Variants in RADIL observed in about 807,000 individuals in gnomAD.
RADIL encodes Rap associating with DIL domain.
A neutral mutation model predicts 97.6 loss-of-function variants in RADIL; 99 were observed. The ratio of observed to expected loss-of-function variants is 1.01; its 90% CI spans 0.86 to 1.20. The LOEUF is 1.20. Ranked by LOEUF, RADIL falls within the 50% of genes most tolerant of loss-of-function variation. RADIL has a pLI of 0.00. For synonymous variants in RADIL, 803 were observed against 691.8 expected (o/e 1.16, Z -2.52); for missense variants, 1,765 against 1,498.9 (o/e 1.18, Z -2.93).
At chr7:4,860,514 C>T (rs778650750) in intron 2 of RADIL, 91 of 1,614,054 alleles carry the variant, frequency 5.6e-5, no homozygotes, top group Non-Finnish European at 6.8e-5. Flanking sequence ...GTACGAAATT[C>T]TTCCATATCA....
Position 4,799,649 on chromosome 7 carries a change from G to A in RADIL, c.3103C>T (p.Leu1035=), listed in dbSNP as rs1050509252. 3 of 1,602,372 alleles carry A rather than the reference G, an allele frequency of 1.9e-6. No individual in the cohort carries two copies. Among genetic ancestry groups the A allele is most frequent in the Admixed American group, 1.7e-5 (1 of 58,134 alleles). The part of the protein sequence containing the change: ...RILEVNGSSL[L]GLGYLRAVDL... The stretch of plus-strand genomic sequence containing the variant: ...GGGTACCTCAGGTAGCCAAGGCCCA[G>A]GAGGCTGCTGCCATTCACCTCCAGG... Residue 1035 remains leucine, a synonymous_variant, in exon 14 of 15, where the codon CTG becomes TTG. Transcript: ENST00000399583.
At chr7:4,838,516 A>G (rs1027646681) in intron 2 of RADIL, among the ~76,000 whole-genome samples, 1 of 152,096 alleles carries the variant, frequency 6.6e-6, no homozygotes, top group African/African-American at 2.4e-5. Flanking sequence ...CTGCAGCCCC[A>G]GGCAAGTGGC....
Position 4,806,166 on chromosome 7 carries a change from T to C in RADIL, c.2140-450A>G, listed in dbSNP as rs1782301604. On this transcript the variant is annotated intron_variant, in intron 9 of 14. Transcript: ENST00000399583. ...AAACATTTGTTTGTTTGCTTGTTTT[T>C]TGAGACAGAGTCTCATGCTGTCACG... is the stretch of plus-strand genomic sequence containing the variant. 1.1e-5 allele frequency: 8 copies of C among 735,308 alleles called. No homozygotes were observed. In the South Asian group the frequency reaches 3.7e-4, roughly 34 times the overall value. 45.5% of individuals were successfully genotyped at this position (735,308 alleles called of 1,614,324 possible). A position where few individuals can be genotyped will look rare whatever the true frequency, so the allele number is the denominator to read the frequency against.
chr7:4,803,802 C>T (rs1373029687), intron 10 of RADIL, 48 bp from the exon 11 acceptor site: 1 of 1,501,966 alleles, frequency 6.7e-7, no homozygotes, highest in South Asian at 1.2e-5. Context: ...GAAGCTGCCT[C>T]CCTCGCCAGG....
chr7:4,853,998 G>C (rs941925211), intron 2 of RADIL, among the ~76,000 whole-genome samples: 1 of 152,172 alleles, frequency 6.6e-6, no homozygotes, highest in Non-Finnish European at 1.5e-5. Context: ...GAAAGATGAG[G>C]GGATGCCGCT....
At chr7:4,826,112 G>A (rs575228946) in intron 5 of RADIL, among the ~76,000 whole-genome samples, 36 of 152,064 alleles carry the variant, frequency 2.4e-4, no homozygotes, top group Middle Eastern at 6.8e-3. Context: ...GGAGGCTGAG[G>A]CAGGGGGATC....
chr7:4,867,406 A>G lies in RADIL; in HGVS notation c.535+10199T>C, dbSNP rs866698123. 4.6e-5 allele frequency among the ~76,000 whole-genome samples: 7 copies of G among 152,342 alleles called. No homozygotes were observed. The South Asian group carries it at 1.5e-3, about 32-fold the overall frequency. On this transcript the variant is annotated intron_variant, in intron 2 of 14. Transcript: ENST00000399583. The surrounding 1 kb of genome is among the most constrained non-coding windows in gnomAD (Gnocchi z 4.1). ...AGTGTCTGTGCTTAAGGAAATGAAT[A>G]TGTAGTATAGGCATATAATGGAAAA...
In RADIL at chr7:4,823,502, C is replaced by G. The variant is rs566042783; in HGVS notation, c.1455-948G>C. Among the ~76,000 whole-genome samples the G allele has an allele frequency of 8.5e-5, 13 of 152,208 alleles. No homozygotes were observed. The South Asian group carries it at 2.3e-3, about 27-fold the overall frequency. On this transcript the variant is annotated intron_variant, in intron 5 of 14. Coordinates refer to ENST00000399583, the MANE Select transcript of RADIL (RefSeq NM_018059.5). ...TGTATCCATGGGGTTCATTGTTACT[C>G]TGAGTAACAAAAGCAGAAGTAGCTC...
At chr7:4,868,584 G>C (rs117427609) in intron 2 of RADIL, among the ~76,000 whole-genome samples, 1 of 152,182 alleles carries the variant, frequency 6.6e-6, no homozygotes, top group Non-Finnish European at 1.5e-5. Flanking sequence ...CCTTCCTCCA[G>C]CTGCAAACTT....
chr7:4,802,042 G>A, intron 11 of RADIL, 47 bp from the exon 12 acceptor site: 1 of 1,420,338 alleles, frequency 7.0e-7, no homozygotes, highest in Non-Finnish European at 9.3e-7. Flanking sequence ...TGGCCAGGTG[G>A]ACACAGCACT....
At position 4,822,822 on chromosome 7, in the gene RADIL, T is replaced by G. The variant is rs1335894024; in HGVS notation, c.1455-268A>C. Among the ~76,000 whole-genome samples the G allele has an allele frequency of 6.6e-6, 1 of 152,162 alleles. No individual in the cohort carries two copies. Among genetic ancestry groups the G allele is most frequent in the Non-Finnish European group, 1.5e-5 (1 of 68,026 alleles). On this transcript the variant is annotated intron_variant, in intron 5 of 14. Coordinates refer to ENST00000399583, the MANE Select transcript of RADIL (RefSeq NM_018059.5). This position sits in a 1 kb window ranked among gnomAD's most constrained non-coding sequence, Gnocchi z 5.3. ...TTGGTAAAAAACCTCGGTAAGTAGA[T>G]GGCTTGCATGTCTTCTCTTTTGGAA...
chr7:4,803,455 C>G, intron 11 of RADIL, 91 bp downstream of exon 11: 1 of 1,152,088 alleles, frequency 8.7e-7, no homozygotes, highest in South Asian at 1.6e-5. Context: ...GGCTGGGTGG[C>G]CCCCTCCCCG....
rs986697080 is a variant in RADIL, at chr7:4,837,803, G to A, written c.536-1198C>T. ...AATGCATGCTCTGGGAAAGCCAGCC[G>A]GCTGCGATAGATGAAAACCGCTCAC... is the stretch of plus-strand genomic sequence containing the variant. On this transcript the variant is annotated intron_variant, in intron 2 of 14. Coordinates refer to ENST00000399583, the MANE Select transcript of RADIL (RefSeq NM_018059.5). This position sits in a 1 kb window ranked among gnomAD's most constrained non-coding sequence, Gnocchi z 5.6. The A allele has an allele frequency of 7.3e-5, 72 of 981,494 alleles. 1 individual carries two copies. Among genetic ancestry groups the A allele is most frequent in the South Asian group, 1.9e-4 (4 of 21,194 alleles). The allele number at this position is 981,494 out of a possible 1,614,324, so 60.8% of individuals were successfully genotyped here.
intron 9 of RADIL, among the ~76,000 whole-genome samples, chr7:4,810,708 G>C (rs1782518820): frequency 6.6e-6 from 1 of 152,242 alleles, no homozygotes; most frequent in Admixed American, 6.5e-5. Context: ...AGCTGACGCT[G>C]CCAGACGGCT....
rs1583298379 is a variant in RADIL, at chr7:4,840,336, G to A, written c.536-3731C>T. On this transcript the variant is annotated intron_variant, in intron 2 of 14. Coordinates refer to ENST00000399583, the MANE Select transcript of RADIL (RefSeq NM_018059.5). This position sits in a 1 kb window ranked among gnomAD's most constrained non-coding sequence, Gnocchi z 5.6. ...GACCCAGGGCGGATCTGCCTCAACT[G>A]GGACAGAAAGTGCCCCCACTTGGCC... Among the ~76,000 whole-genome samples, 1 of 152,176 alleles carries A rather than the reference G, an allele frequency of 6.6e-6. No homozygotes were observed. The highest frequency in any genetic ancestry group is 2.1e-4 in the South Asian group (1 of 4,832).
intron 10 of RADIL, among the ~76,000 whole-genome samples, chr7:4,804,391 G>A (rs959301757): frequency 2.0e-5 from 3 of 152,254 alleles, no homozygotes; most frequent in Non-Finnish European, 4.4e-5. Context: ...GGGCATCCAA[G>A]GCCCCATCGC....
intron 2 of RADIL, among the ~76,000 whole-genome samples, chr7:4,844,666 C>T (rs6949969): frequency 0.26 from 39,721 of 151,878 alleles, 6,388 homozygotes; most frequent in South Asian, 0.37. Flanking sequence ...TGCAATGGCA[C>T]GATCACAGCT....
At chr7:4,853,643 G>A (rs947535361) in intron 2 of RADIL, among the ~76,000 whole-genome samples, 1 of 151,596 alleles carries the variant, frequency 6.6e-6, no homozygotes, top group Non-Finnish European at 1.5e-5. Flanking sequence ...TTGGGAGGCT[G>A]AGGCAGGAGA....
At chr7:4,857,862 A>C (rs576629615) in intron 2 of RADIL, 2 of 152,660 alleles carry the variant, frequency 1.3e-5, no homozygotes, top group Admixed American at 6.5e-5. Flanking sequence ...CACTAGGTAC[A>C]TCACATGAAA....
Sources: gnomAD v4.1 joint callset for allele counts (sites outside exome capture counted in the v4.1 genomes callset) on GRCh38, gnomAD v4.1.1 for gene constraint, Gnocchi (gnomAD v3.1) non-coding constraint, MANE v1.5 for transcripts, NCBI Gene and HGNC (gene_info 2026-07-23, HGNC 2026-07-21) for gene names.